The following NKAIN3 variants were observed in gnomAD, a reference collection of about 807,000 sequenced individuals.
NKAIN3 encodes sodium/potassium transporting ATPase interacting 3.
In NKAIN3, 25 loss-of-function variants were observed where a neutral mutation model predicts 30.2. The observed-to-expected ratio is 0.83, with a 90% CI of 0.60 to 1.16. NKAIN3 has a LOEUF of 1.16. Ranked by LOEUF, NKAIN3 falls within the 50% of genes most tolerant of loss-of-function variation. The pLI is 0.00. For missense variants in NKAIN3, 225 were observed against 254.1 expected (o/e 0.89, Z 0.78); for synonymous variants, 91 against 89.6 (o/e 1.02, Z -0.09).
At chr8:62,427,612 G>T (rs951371468) in intron 1 of NKAIN3, among the ~76,000 whole-genome samples, 1 of 151,864 alleles carries the variant, frequency 6.6e-6, no homozygotes, top group African/African-American at 2.4e-5. Context: ...TGTGTACAAA[G>T]CTTGCTACCT....
At chr8:62,658,072 C>T (rs942212592) in intron 3 of NKAIN3, among the ~76,000 whole-genome samples, 10 of 152,128 alleles carry the variant, frequency 6.6e-5, no homozygotes, top group African/African-American at 2.4e-4. Flanking sequence ...GAAGGGCAGC[C>T]GAGGCATAGA....
intron 4 of NKAIN3, among the ~76,000 whole-genome samples, chr8:62,917,261 G>A (rs1822136663): frequency 6.6e-6 from 1 of 152,128 alleles, no homozygotes; most frequent in South Asian, 2.1e-4. Context: ...TGTGAGTTGG[G>A]TGCCAAGCCC....
At chr8:62,923,594 T>A (rs140999296) in intron 5 of NKAIN3, among the ~76,000 whole-genome samples, 50 of 152,314 alleles carry the variant, frequency 3.3e-4, no homozygotes, top group African/African-American at 1.1e-3. Flanking sequence ...ACATCCACTG[T>A]ACCACGTCAG....
intron 4 of NKAIN3, among the ~76,000 whole-genome samples, chr8:62,774,242 T>C (rs146715252): frequency 1.3e-5 from 2 of 152,344 alleles, no homozygotes; most frequent in South Asian, 2.1e-4. Flanking sequence ...TACTGATTTT[T>C]GTATGTTGAT....
At chr8:62,798,779 G>C (rs1160735320) in intron 4 of NKAIN3, among the ~76,000 whole-genome samples, 2 of 152,074 alleles carry the variant, frequency 1.3e-5, no homozygotes, top group Non-Finnish European at 2.9e-5. Context: ...ACAACACATA[G>C]CCCTAGCACA....
Position 62,878,163 on chromosome 8 carries a change from T to C in NKAIN3, c.472-40290T>C, listed in dbSNP as rs944181239. On this transcript the variant is annotated intron_variant, in intron 4 of 6. Transcript: ENST00000623646. ...CTCATTTTCTTCAGGTGTTTTAGAA[T>C]ACTAAGAGGAATTTTTAGTAAGGAA... Among the ~76,000 whole-genome samples, 4 of 152,160 alleles carry C rather than the reference T, an allele frequency of 2.6e-5. 1 individual carries two copies. Among genetic ancestry groups the C allele is most frequent in the Admixed American group, 2.0e-4 (3 of 15,280 alleles).
intron 1 of NKAIN3, among the ~76,000 whole-genome samples, chr8:62,364,611 T>C (rs6472014): frequency 0.97 from 147,266 of 151,920 alleles, 71,435 homozygotes; most frequent in East Asian, 1. Flanking sequence ...GGGAGGCCGA[T>C]GCGGGTGGAT....
At chr8:62,618,636 T>C (rs1008996728) in intron 3 of NKAIN3, among the ~76,000 whole-genome samples, 5 of 152,164 alleles carry the variant, frequency 3.3e-5, no homozygotes, top group African/African-American at 1.2e-4. Flanking sequence ...CCAGGGGCTG[T>C]GGCTAACGCC....
intron 1 of NKAIN3, among the ~76,000 whole-genome samples, chr8:62,321,070 C>T (rs964636897): frequency 2.6e-5 from 4 of 152,126 alleles, no homozygotes; most frequent in African/African-American, 9.7e-5. Flanking sequence ...CTTCTCACTT[C>T]ATTTCATTTA....
intron 1 of NKAIN3, among the ~76,000 whole-genome samples, chr8:62,498,898 C>A (rs1221553311): frequency 6.6e-6 from 1 of 152,040 alleles, no homozygotes; most frequent in East Asian, 1.9e-4. Flanking sequence ...ATACAATATT[C>A]CTTTTTGTTC....
At position 62,929,292 on chromosome 8, in the gene NKAIN3, G is replaced by C. The variant is rs185311455; in HGVS notation, c.532+10779G>C. Among the ~76,000 whole-genome samples, 8 of 152,296 alleles carry C rather than the reference G, an allele frequency of 5.3e-5. No homozygotes were observed. The East Asian group carries it at 1.5e-3, about 29-fold the overall frequency. Reference sequence around the variant, plus strand: ...GAGACTGCATTGTAAATCCCGTATTGAGCAGGAGGGCTCTGTGAAAAGGAT... The same window carrying C: ...GAGACTGCATTGTAAATCCCGTATTCAGCAGGAGGGCTCTGTGAAAAGGAT... On this transcript the variant is annotated intron_variant, in intron 5 of 6. Transcript: ENST00000623646.
intron 1 of NKAIN3, among the ~76,000 whole-genome samples, chr8:62,559,002 T>A (rs1809488875): frequency 6.6e-6 from 1 of 152,100 alleles, no homozygotes; most frequent in South Asian, 2.1e-4. Flanking sequence ...TTTCTGCTAT[T>A]AATTTCCAGT....
intron 4 of NKAIN3, among the ~76,000 whole-genome samples, chr8:62,814,402 C>A (rs2352718): frequency 0.56 from 84,558 of 151,522 alleles, 25,013 homozygotes; most frequent in Non-Finnish European, 0.67. Flanking sequence ...CTACAGAACT[C>A]TCCACCCCAA....
At chr8:62,863,095 G>T (rs1820304359) in intron 4 of NKAIN3, 1 of 1,217,180 alleles carries the variant, frequency 8.2e-7, no homozygotes, top group African/African-American at 1.5e-5. Context: ...GTTAAGAAAA[G>T]GGTATTCCCC....
At chr8:62,531,227 C>T (rs1808480676) in intron 1 of NKAIN3, among the ~76,000 whole-genome samples, 2 of 152,124 alleles carry the variant, frequency 1.3e-5, no homozygotes. Context: ...CCCAATGGTA[C>T]CTCTCATGTC....
At chr8:62,416,804 G>A (rs1257191561) in intron 1 of NKAIN3, among the ~76,000 whole-genome samples, 1 of 151,930 alleles carries the variant, frequency 6.6e-6, no homozygotes, top group Non-Finnish European at 1.5e-5. Flanking sequence ...AGACTAGCCT[G>A]GCCAACATGG....
chr8:62,827,452 T>A (rs964576818), intron 4 of NKAIN3, among the ~76,000 whole-genome samples: 2 of 152,208 alleles, frequency 1.3e-5, no homozygotes, highest in Non-Finnish European at 2.9e-5. Flanking sequence ...CATCAATTCT[T>A]CCAAATATGT....
At chr8:62,480,402 T>A (rs1806675562) in intron 1 of NKAIN3, among the ~76,000 whole-genome samples, 1 of 152,028 alleles carries the variant, frequency 6.6e-6, no homozygotes, top group Admixed American at 6.6e-5. Flanking sequence ...TGTCTGTCAA[T>A]CATACTTTAA....
intron 1 of NKAIN3, among the ~76,000 whole-genome samples, chr8:62,309,357 A>C (rs940522936): frequency 5.3e-5 from 8 of 150,520 alleles, no homozygotes; most frequent in African/African-American, 2.0e-4. Context: ...ACTGAGAAGG[A>C]AGTGTCCTGC....
Sources: allele counts gnomAD v4.1 joint callset (sites outside exome capture counted in the v4.1 genomes callset), GRCh38; gene constraint gnomAD v4.1.1; transcripts MANE v1.5; gene names NCBI Gene and HGNC (gene_info 2026-07-23, HGNC 2026-07-21).